Variants in SPAST observed in about 807,000 individuals in gnomAD.
The protein encoded by SPAST is spastin.
In SPAST, 30 loss-of-function variants were observed where a neutral mutation model predicts 76.6. That is an observed-to-expected ratio of 0.39 (90% CI 0.29 to 0.53). The LOEUF is 0.53. Ranked by LOEUF, SPAST falls within the 20% of genes least tolerant of loss-of-function variation. SPAST has a pLI of 0.68. For synonymous variants in SPAST, 305 were observed against 281.0 expected, an observed-to-expected ratio of 1.09 and a Z score of -0.86; for missense variants, 717 against 770.5, an observed-to-expected ratio of 0.93 and a Z score of 0.82.
intron 4 of SPAST, among the ~76,000 whole-genome samples, chr2:32,102,865 G>A (rs745860371): frequency 6.6e-5 from 10 of 152,102 alleles, no homozygotes; most frequent in Non-Finnish European, 1.2e-4. Flanking sequence ...TGCTGGATTC[G>A]GTTTGCCAGT....
intron 4 of SPAST, among the ~76,000 whole-genome samples, chr2:32,113,946 T>G (rs1678722120): frequency 6.6e-6 from 1 of 151,774 alleles, no homozygotes; most frequent in African/African-American, 2.4e-5. Flanking sequence ...TTTGTTTTTT[T>G]GTTTTTTTTT....
intron 1 of SPAST, among the ~76,000 whole-genome samples, chr2:32,083,762 A>AT (rs1677350861): frequency 1.2e-4 from 5 of 43,048 alleles, no homozygotes; most frequent in Non-Finnish European, 2.2e-4. Flanking sequence ...ATATATATAT[A>AT]TATATATATA....
intron 4 of SPAST, among the ~76,000 whole-genome samples, chr2:32,106,413 G>A (rs570199625): frequency 6.6e-6 from 1 of 152,262 alleles, no homozygotes; most frequent in African/African-American, 2.4e-5. Context: ...CGCTTCCCAG[G>A]TGAGGCAATA....
rs1483563506 is a variant in SPAST, at chr2:32,154,464, T to A, written c.1819T>A (p.Trp607Arg). 1 of 1,613,808 alleles carries A rather than the reference T, an allele frequency of 6.2e-7. No homozygotes were observed. Among genetic ancestry groups the A allele is most frequent in the Non-Finnish European group, 8.5e-7 (1 of 1,179,756 alleles). Reference protein sequence around the residue: ...SPQTLEAYIRWNKDFGDTTV With the variant: ...SPQTLEAYIRRNKDFGDTTV ...TCAAACTTTAGAAGCGTACATACGTTGGAACAAGGACTTTGGAGATACCAC... is the reference window on the plus strand; with the variant it reads ...TCAAACTTTAGAAGCGTACATACGTAGGAACAAGGACTTTGGAGATACCAC... Residue 607 changes from tryptophan to arginine, a missense_variant, in exon 17 of 17, where the codon TGG (tryptophan) becomes AGG (arginine). This residue lies in a region of SPAST where 96 missense variants were observed against 127.6 expected (regional missense o/e 0.75). Coordinates refer to ENST00000315285, the MANE Select transcript of SPAST (RefSeq NM_014946.4).
At chr2:32,111,145 TATATA>T in intron 4 of SPAST, among the ~76,000 whole-genome samples, 4 of 123,410 alleles carry the variant, frequency 3.2e-5, no homozygotes, top group African/African-American at 9.1e-5. Context: ...TACAGTATAC[TATATA>T]GTGTGTATAG....
chr2:32,089,584 A>C lies in SPAST; in HGVS notation c.565A>C (p.Lys189Gln). 6.3e-7 allele frequency: 1 copy of C among 1,591,632 alleles called. No homozygotes were observed. Among genetic ancestry groups the C allele is most frequent in the Non-Finnish European group, 8.6e-7 (1 of 1,159,646 alleles). The change falls in exon 3 of 17, where the codon AAG becomes CAG. Residue 189 changes from lysine to glutamine, a missense_variant. By Grantham distance (53) the Lys-to-Gln change is moderately conservative (BLOSUM62 1). Around this residue, in one of 3 missense-constraint regions of SPAST, gnomAD observed 543 missense variants for 445.2 expected, o/e 1.22. Transcript: ENST00000315285. ...AATGATGACTAATTTGGTTATGGCC[A>C]AGGACCGCTTACAACTTCTAGGTAT... ...AKMMTNLVMAKDRLQLLEKMQ... is the reference protein window; with the variant it reads ...AKMMTNLVMAQDRLQLLEKMQ...
intron 12 of SPAST, among the ~76,000 whole-genome samples, chr2:32,140,591 T>TG (rs957938305): frequency 6.6e-6 from 1 of 151,192 alleles, no homozygotes; most frequent in African/African-American, 2.4e-5. Flanking sequence ...TACTCTAGCC[T>TG]GGGGGACAGA....
intron 4 of SPAST, among the ~76,000 whole-genome samples, chr2:32,102,436 C>A (rs1359384868): frequency 1.3e-5 from 2 of 152,132 alleles, no homozygotes; most frequent in African/African-American, 2.4e-5. Context: ...ATTTGACTTT[C>A]TTTTCCTAAT....
rs372581504 is a variant in SPAST at position 32,071,703 on chromosome 2, C to G, written c.415+7457C>G. On this transcript the variant is annotated intron_variant, in intron 1 of 16. Transcript: ENST00000315285. ...GGTCGTAGGCAGATTCAAAGATTTTCTGATTGGCAATTGGTCAAAAGAGCT... is the reference window on the plus strand; with the variant it reads ...GGTCGTAGGCAGATTCAAAGATTTTGTGATTGGCAATTGGTCAAAAGAGCT... Among the ~76,000 whole-genome samples the G allele has an allele frequency of 1.1e-4, 17 of 152,284 alleles. 2 individuals are homozygous for G. The highest frequency in any genetic ancestry group is 4.1e-4 in the African/African-American group (17 of 41,546).
intron 9 of SPAST, chr2:32,128,864 C>G: frequency 3.7e-6 from 1 of 273,002 alleles, no homozygotes; most frequent in Non-Finnish European, 7.1e-6. Context: ...TGCTGGCAAT[C>G]TTTTGTATTC....
intron 1 of SPAST, among the ~76,000 whole-genome samples, chr2:32,068,669 A>G (rs1676623525): frequency 6.6e-6 from 1 of 152,128 alleles, no homozygotes; most frequent in African/African-American, 2.4e-5. Flanking sequence ...TGATGCCGTA[A>G]TATGCCAAAT....
intron 3 of SPAST, among the ~76,000 whole-genome samples, chr2:32,098,074 C>G (rs937774071): frequency 8.6e-5 from 13 of 152,040 alleles, no homozygotes; most frequent in Non-Finnish European, 1.5e-4. Context: ...AGTGATCTTT[C>G]TTTTGTACCA....
intron 16 of SPAST, among the ~76,000 whole-genome samples, chr2:32,152,993 T>A (rs892812899): frequency 6.6e-6 from 1 of 152,056 alleles, no homozygotes; most frequent in Non-Finnish European, 1.5e-5. Context: ...AGTGATCCAC[T>A]TGCTTCAGCC....
chr2:32,099,753 A>G (rs991576444), intron 4 of SPAST, among the ~76,000 whole-genome samples: 1 of 152,132 alleles, frequency 6.6e-6, no homozygotes, highest in Admixed American at 6.6e-5. Context: ...ATGTAGAACA[A>G]TGGAGCTTAC....
chr2:32,140,542 A>G (rs1366554522), intron 12 of SPAST, among the ~76,000 whole-genome samples: 1 of 151,946 alleles, frequency 6.6e-6, no homozygotes, highest in African/African-American at 2.4e-5. Context: ...GCTTGAACCC[A>G]GGAGGCAGAG....
In SPAST at chr2:32,147,290, C is replaced by A; in HGVS notation, c.1728+32C>A. 3.0e-6 allele frequency: 4 copies of A among 1,344,976 alleles called. No individual in the cohort carries two copies. In the South Asian group the frequency reaches 3.5e-5, roughly 12 times the overall value. The allele number at this position is 1,344,976 out of a possible 1,614,324, so 83.3% of individuals were successfully genotyped here. A position where few individuals can be genotyped will look rare whatever the true frequency, so the allele number is the denominator to read the frequency against. On this transcript the variant is annotated intron_variant, in intron 16 of 16. Transcript: ENST00000315285. Reference sequence around the variant, plus strand: ...TATTTTACAATGATATTTTCTTTGTCTTCTATATTGTAAGACATATATAAG... The same window carrying A: ...TATTTTACAATGATATTTTCTTTGTATTCTATATTGTAAGACATATATAAG...
intron 3 of SPAST, among the ~76,000 whole-genome samples, chr2:32,095,300 G>C (rs1283166831): frequency 6.6e-6 from 1 of 152,136 alleles, no homozygotes; most frequent in African/African-American, 2.4e-5. Flanking sequence ...TGCAGGATGG[G>C]TATTAGAAAT....
intron 4 of SPAST, among the ~76,000 whole-genome samples, chr2:32,101,512 G>C (rs1678125029): frequency 1.3e-5 from 2 of 152,140 alleles, no homozygotes; most frequent in African/African-American, 4.8e-5. Flanking sequence ...ATTGCTTTTG[G>C]TGTTTTAGGC....
At chr2:32,136,088 AG>A (rs1679527092) in intron 9 of SPAST, among the ~76,000 whole-genome samples, 1 of 151,554 alleles carries the variant, frequency 6.6e-6, no homozygotes, top group Non-Finnish European at 1.5e-5. Flanking sequence ...AAAAAAAAAA[AG>A]GAAAAAAAAA....
Sources: allele counts gnomAD v4.1 joint callset (sites outside exome capture counted in the v4.1 genomes callset), GRCh38; gene constraint gnomAD v4.1.1; regional missense constraint gnomAD v4.1.1; transcripts MANE v1.5; gene names NCBI Gene and HGNC (gene_info 2026-07-23, HGNC 2026-07-21).